Variants in GRIK2 observed in about 807,000 individuals in gnomAD.
GRIK2 encodes the protein glutamate ionotropic receptor kainate type subunit 2.
GRIK2 carries 32 observed loss-of-function variants against 100.3 expected under a neutral mutation model. The observed-to-expected ratio is 0.32, with a 90% CI of 0.24 to 0.43. The LOEUF (loss-of-function observed/expected upper bound fraction) is 0.43. GRIK2 is among the 20% of genes least tolerant of loss of function. The probability of loss-of-function intolerance (pLI) is 1.00; values close to 1 mark genes in which losing one functional copy is unlikely to be tolerated. For synonymous variants in GRIK2, 417 were observed against 389.4 expected, an observed-to-expected ratio of 1.07 and a Z score of -0.83; for missense variants, 843 against 1,114.9, an observed-to-expected ratio of 0.76 and a Z score of 3.47.
intron 11 of GRIK2, among the ~76,000 whole-genome samples, chr6:101,877,032 T>C (rs1785899533): frequency 1.3e-5 from 2 of 152,074 alleles, no homozygotes; most frequent in South Asian, 4.1e-4. Context: ...CATTCTGATA[T>C]GCTTTTGTAT....
At chr6:101,428,509 CTA>C (rs1201153770) in intron 2 of GRIK2, among the ~76,000 whole-genome samples, 3 of 152,030 alleles carry the variant, frequency 2.0e-5, no homozygotes, top group Non-Finnish European at 4.4e-5. Context: ...ATATCACATT[CTA>C]TTATTTCTAA....
intron 10 of GRIK2, among the ~76,000 whole-genome samples, chr6:101,827,072 A>G (rs1411672858): frequency 1.4e-5 from 2 of 146,568 alleles, no homozygotes; most frequent in African/African-American, 4.8e-5. Context: ...TAGTTACAGG[A>G]TAAAAACAGA....
At chr6:101,729,463 G>A (rs985498725) in intron 7 of GRIK2, among the ~76,000 whole-genome samples, 4 of 151,704 alleles carry the variant, frequency 2.6e-5, no homozygotes, top group Admixed American at 6.6e-5. Flanking sequence ...TGTATAGAAC[G>A]TACTAATTAT....
At chr6:101,569,605 A>G (rs1044340385) in intron 2 of GRIK2, among the ~76,000 whole-genome samples, 1 of 151,996 alleles carries the variant, frequency 6.6e-6, no homozygotes. Flanking sequence ...ATTTTTATAC[A>G]TTTTTACTAT....
intron 14 of GRIK2, among the ~76,000 whole-genome samples, chr6:101,950,594 A>G (rs891206002): frequency 6.6e-6 from 1 of 152,142 alleles, no homozygotes; most frequent in African/African-American, 2.4e-5. Context: ...TTCATGACAA[A>G]TGAAGACTAT....
intron 2 of GRIK2, among the ~76,000 whole-genome samples, chr6:101,461,546 C>A (rs571628793): frequency 6.6e-6 from 1 of 152,294 alleles, no homozygotes; most frequent in African/African-American, 2.4e-5. Context: ...AGGAAAAGTT[C>A]TTCACTCTTA....
chr6:101,765,712 C>T lies in GRIK2; in HGVS notation c.952-33936C>T, dbSNP rs542423276. Among the ~76,000 whole-genome samples, 71 of 152,224 alleles carry T rather than the reference C, an allele frequency of 4.7e-4. 2 individuals carry two copies. In the South Asian group the frequency reaches 0.014, roughly 30 times the overall value. On this transcript the variant is annotated intron_variant, in intron 7 of 16. Transcript: ENST00000369134. Reference sequence around the variant, plus strand: ...TTATGAAACCAATGCCTCTCTCTCCCTCTCCACGAAGCGGAAATTAATTTT... The same window carrying T: ...TTATGAAACCAATGCCTCTCTCTCCTTCTCCACGAAGCGGAAATTAATTTT...
intron 4 of GRIK2, among the ~76,000 whole-genome samples, chr6:101,627,332 G>A (rs554305779): frequency 6.6e-6 from 1 of 152,038 alleles, no homozygotes; most frequent in Non-Finnish European, 1.5e-5. Context: ...AGTGGAGTCA[G>A]GGTTTCATCA....
rs553619720 is a variant in GRIK2, at chr6:101,792,827, C to A, written c.952-6821C>A. ...TTTTCCAACTTGGTTCCATTCTCCC[C>A]GTCTCTTTCAGGTACACCAATCAGA... On this transcript the variant is annotated intron_variant, in intron 7 of 16. Transcript: ENST00000369134. 5.7e-4 allele frequency among the ~76,000 whole-genome samples: 86 copies of A among 152,126 alleles called. 3 individuals carry two copies.
chr6:101,786,677 T>A (rs1779441860), intron 7 of GRIK2, among the ~76,000 whole-genome samples: 1 of 152,088 alleles, frequency 6.6e-6, no homozygotes, highest in Admixed American at 6.5e-5. Context: ...GGATGTTCTG[T>A]TGAATTTAGC....
chr6:102,049,390 G>A (rs985132925), intron 15 of GRIK2, among the ~76,000 whole-genome samples: 4 of 151,930 alleles, frequency 2.6e-5, no homozygotes, highest in Admixed American at 1.3e-4. Flanking sequence ...AGTATTAATA[G>A]TAATTATTGT....
intron 14 of GRIK2, among the ~76,000 whole-genome samples, chr6:101,935,784 A>T (rs1239612658): frequency 1.3e-5 from 2 of 152,016 alleles, no homozygotes; most frequent in South Asian, 2.1e-4. Context: ...GGCAAAAGTA[A>T]ATTAGTACAC....
intron 3 of GRIK2, among the ~76,000 whole-genome samples, chr6:101,623,927 T>C (rs1780304675): frequency 6.6e-6 from 1 of 152,122 alleles, no homozygotes; most frequent in African/African-American, 2.4e-5. Context: ...GCCAATATTT[T>C]TTTAACTTTA....
chr6:102,037,273 G>A (rs1770321832), intron 15 of GRIK2, among the ~76,000 whole-genome samples: 1 of 151,020 alleles, frequency 6.6e-6, no homozygotes, highest in African/African-American at 2.4e-5. Context: ...CATAATTGAG[G>A]GGTTAATGGT....
At chr6:101,843,625 C>CCA (rs1356507999) in intron 10 of GRIK2, among the ~76,000 whole-genome samples, 1 of 152,092 alleles carries the variant, frequency 6.6e-6, no homozygotes, top group Non-Finnish European at 1.5e-5. Flanking sequence ...GGGCCCTGTA[C>CCA]CACAGCACAG....
chr6:101,948,902 A>G (rs1356896032), intron 14 of GRIK2, among the ~76,000 whole-genome samples: 1 of 152,214 alleles, frequency 6.6e-6, no homozygotes, highest in Non-Finnish European at 1.5e-5. Flanking sequence ...GCACCTGGGC[A>G]CATTTACAGA....
intron 2 of GRIK2, among the ~76,000 whole-genome samples, chr6:101,414,406 T>G: frequency 6.6e-6 from 1 of 152,242 alleles, no homozygotes; most frequent in East Asian, 1.9e-4. Flanking sequence ...ATGAAATTAT[T>G]TTTAAAACTA....
At chr6:101,966,960 A>T (rs1040424001) in intron 14 of GRIK2, among the ~76,000 whole-genome samples, 22 of 152,080 alleles carry the variant, frequency 1.4e-4, no homozygotes, top group African/African-American at 5.3e-4. Flanking sequence ...TGTATTCATG[A>T]TAAGTAACTC....
intron 11 of GRIK2, among the ~76,000 whole-genome samples, chr6:101,883,095 C>A (rs1786370078): frequency 6.6e-6 from 1 of 151,682 alleles, no homozygotes; most frequent in South Asian, 2.1e-4. Context: ...GAGATGGAGA[C>A]CTCAACAGAA....
Sources: allele counts gnomAD v4.1 joint callset (sites outside exome capture counted in the v4.1 genomes callset), GRCh38; gene constraint gnomAD v4.1.1; transcripts MANE v1.5; gene names NCBI Gene and HGNC (gene_info 2026-07-23, HGNC 2026-07-21).